PPP1R14C: variants seen among roughly 807,000 people sequenced by gnomAD.
The protein encoded by PPP1R14C is protein phosphatase 1 regulatory inhibitor subunit 14C.
In PPP1R14C, 16 loss-of-function variants were observed where a neutral mutation model predicts 20.4. That is an observed-to-expected ratio of 0.78 (90% CI 0.53 to 1.19). PPP1R14C has a LOEUF of 1.19. Ranked by LOEUF, PPP1R14C falls within the 50% of genes most tolerant of loss-of-function variation. The pLI is 0.00. For missense variants in PPP1R14C, 211 were observed against 220.1 expected, an observed-to-expected ratio of 0.96 and a Z score of 0.26; for synonymous variants, 91 against 91.0, an observed-to-expected ratio of 1.00 and a Z score of 0.00.
At chr6:150,217,485 G>T (rs922346979) in intron 3 of PPP1R14C, among the ~76,000 whole-genome samples, 2 of 152,028 alleles carry the variant, frequency 1.3e-5, no homozygotes, top group South Asian at 2.1e-4. Flanking sequence ...GTGAGCCACC[G>T]CACCCGGCCT....
At chr6:150,233,981 TGGGA>T (rs1235563096) in intron 3 of PPP1R14C, among the ~76,000 whole-genome samples, 1 of 152,140 alleles carries the variant, frequency 6.6e-6, no homozygotes. Flanking sequence ...CTTTGGGATG[TGGGA>T]GGAAGCCAGA....
intron 1 of PPP1R14C, among the ~76,000 whole-genome samples, chr6:150,211,108 CT>C (rs34416819): frequency 0.022 from 3,407 of 152,348 alleles, 43 homozygotes; most frequent in Non-Finnish European, 0.037. Flanking sequence ...CTGCCTGCCC[CT>C]GGCGGAGTTT....
intron 1 of PPP1R14C, among the ~76,000 whole-genome samples, chr6:150,154,679 A>G (rs1444383301): frequency 6.6e-6 from 1 of 152,250 alleles, no homozygotes; most frequent in Non-Finnish European, 1.5e-5. Context: ...TCGAATTTGC[A>G]GAGCTAATTT....
chr6:150,231,254 A>G (rs1425206404), intron 3 of PPP1R14C, among the ~76,000 whole-genome samples: 1 of 152,202 alleles, frequency 6.6e-6, no homozygotes, highest in Non-Finnish European at 1.5e-5. Context: ...CATGTTGTAT[A>G]AAGTCAGTTT....
chr6:150,186,178 G>C (rs1013440386), intron 1 of PPP1R14C, among the ~76,000 whole-genome samples: 3 of 152,110 alleles, frequency 2.0e-5, no homozygotes, highest in Non-Finnish European at 2.9e-5. Context: ...CCTCAGTTCC[G>C]ATAATTAATT....
intron 1 of PPP1R14C, among the ~76,000 whole-genome samples, chr6:150,170,690 G>T (rs747860807): frequency 4.0e-5 from 6 of 151,578 alleles, no homozygotes; most frequent in Non-Finnish European, 8.8e-5. Flanking sequence ...TCCCTTCCTT[G>T]TGGGTTTTAC....
chr6:150,167,993 C>T (rs6936898), intron 1 of PPP1R14C, among the ~76,000 whole-genome samples: 255 of 978 alleles, frequency 0.26, 12 homozygotes, highest in South Asian at 0.44. Flanking sequence ...CTCCCCTCTT[C>T]CTCTCCCCCT....
chr6:150,166,678 A>G (rs1413760531), intron 1 of PPP1R14C, among the ~76,000 whole-genome samples: 1 of 152,170 alleles, frequency 6.6e-6, no homozygotes, highest in Non-Finnish European at 1.5e-5. Context: ...TTTTGAGGCC[A>G]CTGGGAGAGG....
intron 1 of PPP1R14C, among the ~76,000 whole-genome samples, chr6:150,171,039 C>A (rs1460571075): frequency 6.6e-6 from 1 of 152,084 alleles, no homozygotes; most frequent in Non-Finnish European, 1.5e-5. Flanking sequence ...ACCAACTCCC[C>A]CGGCGTGACC....
rs892914217 is a variant in PPP1R14C at position 150,143,143 on chromosome 6, C to T, written c.-50C>T. Reference sequence around the variant, plus strand: ...GGAGGTGGTAGCGGCGCCGGGCGCGCTCCGCCCGCCCCTCCTCCGGGCCGC... The same window carrying T: ...GGAGGTGGTAGCGGCGCCGGGCGCGTTCCGCCCGCCCCTCCTCCGGGCCGC... On this transcript the variant is annotated 5_prime_UTR_variant, in exon 1 of 4. Coordinates refer to ENST00000361131, the MANE Select transcript of PPP1R14C (RefSeq NM_030949.3). The surrounding 1 kb of genome is among the most constrained non-coding windows in gnomAD (Gnocchi z 5.6). 8 of 1,196,598 alleles carry T rather than the reference C, an allele frequency of 6.7e-6. No homozygotes were observed. Among genetic ancestry groups the T allele is most frequent in the African/African-American group, 1.6e-5 (1 of 62,452 alleles). The allele number at this position is 1,196,598 out of a possible 1,614,324, so 74.1% of individuals were successfully genotyped here. A position where few individuals can be genotyped will look rare whatever the true frequency, so the allele number is the denominator to read the frequency against.
chr6:150,155,403 C>T (rs957449255), intron 1 of PPP1R14C, among the ~76,000 whole-genome samples: 2 of 151,936 alleles, frequency 1.3e-5, no homozygotes, highest in Non-Finnish European at 2.9e-5. Context: ...CCCATTTGAC[C>T]CACATAAATA....
intron 3 of PPP1R14C, among the ~76,000 whole-genome samples, chr6:150,220,802 G>T (rs1292402301): frequency 6.6e-6 from 1 of 152,154 alleles, no homozygotes; most frequent in Non-Finnish European, 1.5e-5. Flanking sequence ...TAATGTCTAG[G>T]GAACCAATAT....
At position 150,143,123 on chromosome 6, in the gene PPP1R14C, T is replaced by C. The variant is rs1045409077; in HGVS notation, c.-70T>C. Reference sequence around the variant, plus strand: ...TCGCATGCGGCTGCCGGGCCGGAGGTGGTAGCGGCGCCGGGCGCGCTCCGC... The same window carrying C: ...TCGCATGCGGCTGCCGGGCCGGAGGCGGTAGCGGCGCCGGGCGCGCTCCGC... On this transcript the variant is annotated 5_prime_UTR_variant, in exon 1 of 4. Transcript: ENST00000361131. This position sits in a 1 kb window ranked among gnomAD's most constrained non-coding sequence, Gnocchi z 5.6. The C allele has an allele frequency of 1.5e-5, 17 of 1,170,712 alleles. No individual in the cohort carries two copies. The Admixed American group carries it at 7.4e-4, about 51-fold the overall frequency. The allele number at this position is 1,170,712 out of a possible 1,614,324, so 72.5% of individuals were successfully genotyped here.
At chr6:150,175,734 G>C (rs1777554488) in intron 1 of PPP1R14C, among the ~76,000 whole-genome samples, 1 of 152,164 alleles carries the variant, frequency 6.6e-6, no homozygotes, top group Admixed American at 6.5e-5. Context: ...CAGTGTTATT[G>C]GATAACATAA....
intron 3 of PPP1R14C, among the ~76,000 whole-genome samples, chr6:150,219,787 GGTA>G (rs1214620662): frequency 6.6e-6 from 1 of 151,892 alleles, no homozygotes; most frequent in Non-Finnish European, 1.5e-5. Flanking sequence ...GCTGATTTTT[GGTA>G]GCATAGTCAC....
At chr6:150,144,111 CGTT>C (rs1335061012) in intron 1 of PPP1R14C, among the ~76,000 whole-genome samples, 2 of 152,240 alleles carry the variant, frequency 1.3e-5, no homozygotes, top group Non-Finnish European at 2.9e-5. Context: ...GAGCTGCACA[CGTT>C]GTGCTTTGTT....
chr6:150,150,889 T>A, intron 1 of PPP1R14C, among the ~76,000 whole-genome samples: 1 of 151,880 alleles, frequency 6.6e-6, no homozygotes, highest in East Asian at 1.9e-4. Flanking sequence ...ACCACACAAA[T>A]ACCTTCCCCT....
At chr6:150,240,583 G>T (rs1291012233) in intron 3 of PPP1R14C, among the ~76,000 whole-genome samples, 1 of 152,336 alleles carries the variant, frequency 6.6e-6, no homozygotes, top group East Asian at 1.9e-4. Flanking sequence ...AATTTTCAAA[G>T]TTACACCCCT....
intron 1 of PPP1R14C, among the ~76,000 whole-genome samples, chr6:150,196,794 C>T (rs928470553): frequency 1.1e-4 from 17 of 152,294 alleles, no homozygotes; most frequent in African/African-American, 3.4e-4. Context: ...GATGAGACAA[C>T]AATTTACTGC....
Sources: gnomAD v4.1 joint callset for allele counts (sites outside exome capture counted in the v4.1 genomes callset) on GRCh38, gnomAD v4.1.1 for gene constraint, Gnocchi (gnomAD v3.1) non-coding constraint, MANE v1.5 for transcripts, NCBI Gene and HGNC (gene_info 2026-07-23, HGNC 2026-07-21) for gene names.